Variants in RAD51B observed in about 807,000 individuals in gnomAD.
RAD51B encodes DNA repair protein RAD51 homolog 2.
RAD51B carries 38 observed loss-of-function variants against 42.2 expected under a neutral mutation model. The ratio of observed to expected loss-of-function variants is 0.90; its 90% CI spans 0.70 to 1.18. The LOEUF (loss-of-function observed/expected upper bound fraction) is 1.18, where lower values mean the gene tolerates loss of function less well. Ranked by LOEUF, RAD51B falls within the 50% of genes most tolerant of loss-of-function variation. The pLI is 0.00. For synonymous variants in RAD51B, 154 were observed against 145.2 expected (o/e 1.06, Z -0.43); for missense variants, 373 against 400.7 (o/e 0.93, Z 0.59).
At chr14:68,103,338 A>G (rs1187704273) in intron 7 of RAD51B, among the ~76,000 whole-genome samples, 2 of 152,216 alleles carry the variant, frequency 1.3e-5, no homozygotes, top group African/African-American at 4.8e-5. Flanking sequence ...CTCTTTTTCT[A>G]TCATACCTCT....
intron 9 of RAD51B, among the ~76,000 whole-genome samples, chr14:68,441,839 C>A (rs2085302983): frequency 6.6e-6 from 1 of 152,164 alleles, no homozygotes; most frequent in African/African-American, 2.4e-5. Flanking sequence ...CTATTTTATA[C>A]AGTGGGAAAA....
At chr14:68,595,978 C>G (rs1173036965) in exon 11 of RAD51B, 1 of 642,704 alleles carries the variant, frequency 1.6e-6, no homozygotes, top group East Asian at 5.7e-5. Flanking sequence ...CAAGTTTCCT[C>G]CCATTAACAT....
At chr14:68,561,136 C>T (rs72729524) in intron 10 of RAD51B, among the ~76,000 whole-genome samples, 186 of 152,328 alleles carry the variant, frequency 1.2e-3, no homozygotes, top group Non-Finnish European at 2.0e-3. Context: ...TCACCCCAGC[C>T]TCCCCAGCTG....
intron 10 of RAD51B, among the ~76,000 whole-genome samples, chr14:68,647,832 C>A (rs1892592403): frequency 6.6e-6 from 1 of 151,880 alleles, no homozygotes; most frequent in African/African-American, 2.4e-5. Context: ...GCATGCACCA[C>A]CATTCCTGGC....
chr14:67,966,668 T>A (rs1479862997), intron 7 of RAD51B, among the ~76,000 whole-genome samples: 1 of 152,168 alleles, frequency 6.6e-6, no homozygotes, highest in Non-Finnish European at 1.5e-5. Flanking sequence ...CAAATAGGCT[T>A]ATGAAATATA....
At chr14:68,599,488 C>T (rs1163611187), downstream of RAD51B, among the ~76,000 whole-genome samples, 3 of 146,022 alleles carry the variant, frequency 2.1e-5, no homozygotes, top group African/African-American at 8.4e-5. Flanking sequence ...CAGACTCAGG[C>T]CATCTGACTC....
chr14:68,680,553 C>T (rs1288945301), intron 11 of RAD51B, among the ~76,000 whole-genome samples: 1 of 152,186 alleles, frequency 6.6e-6, no homozygotes, highest in African/African-American at 2.4e-5. Context: ...TCAGCTTTCA[C>T]AAGCCAATGC....
intron 7 of RAD51B, among the ~76,000 whole-genome samples, chr14:68,174,350 C>A (rs2078925866): frequency 1.4e-5 from 2 of 146,148 alleles, no homozygotes; most frequent in African/African-American, 2.5e-5. Flanking sequence ...TGCACTCTAG[C>A]TTGGGCAAAA....
intron 7 of RAD51B, among the ~76,000 whole-genome samples, chr14:68,025,914 G>T (rs1475435329): frequency 6.6e-6 from 1 of 151,660 alleles, no homozygotes; most frequent in Non-Finnish European, 1.5e-5. Context: ...AGCTTTGAGG[G>T]TGTGTTTTTT....
chr14:67,953,638 G>A (rs779539536), intron 7 of RAD51B, among the ~76,000 whole-genome samples: 1 of 152,014 alleles, frequency 6.6e-6, no homozygotes, highest in Non-Finnish European at 1.5e-5. Flanking sequence ...GAGAGAATAA[G>A]GCCTAACATA....
intron 7 of RAD51B, among the ~76,000 whole-genome samples, chr14:67,915,321 G>C (rs2044115806): frequency 6.6e-6 from 1 of 152,216 alleles, no homozygotes; most frequent in South Asian, 2.1e-4. Context: ...ACTGTCTACT[G>C]TAATACCTGA....
intron 10 of RAD51B, among the ~76,000 whole-genome samples, chr14:68,648,796 A>T (rs1268874462): frequency 2.0e-5 from 3 of 151,978 alleles, no homozygotes; most frequent in Admixed American, 6.6e-5. Context: ...TCATTACTAC[A>T]ATGACAGTGT....
chr14:68,265,590 T>C (rs1595628036), intron 7 of RAD51B, among the ~76,000 whole-genome samples: 1 of 58,822 alleles, frequency 1.7e-5, no homozygotes, highest in Admixed American at 1.3e-4. Flanking sequence ...TTTCTACTAA[T>C]AAAATACAAA....
chr14:68,185,331 G>A (rs1268789094), intron 7 of RAD51B, among the ~76,000 whole-genome samples: 1 of 152,302 alleles, frequency 6.6e-6, no homozygotes, highest in African/African-American at 2.4e-5. Flanking sequence ...GGCAAGTGGA[G>A]TGGCATGCAA....
chr14:68,550,504 G>C (rs972812470), intron 10 of RAD51B, among the ~76,000 whole-genome samples: 3 of 152,204 alleles, frequency 2.0e-5, no homozygotes, highest in African/African-American at 7.2e-5. Flanking sequence ...ATCTTCCCTA[G>C]AAGAGGTGTG....
At position 67,943,017 on chromosome 14, in the gene RAD51B, G is replaced by A. The variant is rs577052376; in HGVS notation, c.756+55813G>A. On this transcript the variant is annotated intron_variant, in intron 7 of 10. Coordinates refer to ENST00000471583, the MANE Select transcript of RAD51B (RefSeq NM_133510.4). ...GTTTTGAATTTTGAAACAGTCAACT[G>A]TCACTTAAAGCCAAGTGTGATAAAT... Among the ~76,000 whole-genome samples the A allele has an allele frequency of 3.3e-5, 5 of 152,050 alleles. No individual in the cohort carries two copies. In the South Asian group the frequency reaches 1.0e-3, roughly 32 times the overall value.
At chr14:68,458,655 G>A (rs998624465) in intron 9 of RAD51B, among the ~76,000 whole-genome samples, 3 of 150,216 alleles carry the variant, frequency 2.0e-5, no homozygotes, top group Non-Finnish European at 4.4e-5. Context: ...ACTCTTCCCA[G>A]AGACTACAAT....
chr14:68,453,539 G>A (rs1022443266), intron 9 of RAD51B, among the ~76,000 whole-genome samples: 1 of 152,182 alleles, frequency 6.6e-6, no homozygotes, highest in African/African-American at 2.4e-5. Flanking sequence ...TAAGTGACAA[G>A]TCTCCAACCC....
intron 10 of RAD51B, among the ~76,000 whole-genome samples, chr14:68,621,526 A>C (rs1469137926): frequency 6.6e-6 from 1 of 152,220 alleles, no homozygotes; most frequent in Non-Finnish European, 1.5e-5. Context: ...ATTCCAGAAG[A>C]GTTGATAGCT....
Sources: allele counts gnomAD v4.1 joint callset (sites outside exome capture counted in the v4.1 genomes callset), GRCh38; gene constraint gnomAD v4.1.1; transcripts MANE v1.5; gene names NCBI Gene and HGNC (gene_info 2026-07-23, HGNC 2026-07-21).